TSPEAR: variants seen among roughly 807,000 people sequenced by gnomAD.
The protein encoded by TSPEAR is thrombospondin-type laminin G domain and EAR repeat-containing protein.
A neutral mutation model predicts 71.6 loss-of-function variants in TSPEAR; 69 were observed. The observed-to-expected ratio is 0.96, with a 90% CI of 0.79 to 1.18. TSPEAR has a LOEUF of 1.18. Among genes scored for constraint, TSPEAR ranks in the 50% most tolerant of loss-of-function variants. The pLI, the probability that TSPEAR is intolerant of heterozygous loss-of-function variation, is 0.00. For synonymous variants in TSPEAR, 402 were observed against 387.2 expected, an observed-to-expected ratio of 1.04 and a Z score of -0.45; for missense variants, 971 against 894.9, an observed-to-expected ratio of 1.09 and a Z score of -1.09.
chr21:44,584,289 G>A (rs769180107), intron 1 of TSPEAR, among the ~76,000 whole-genome samples: 36 of 152,228 alleles, frequency 2.4e-4, no homozygotes, highest in South Asian at 1.2e-3. Context: ...TGGCTGAATC[G>A]TATTCCATCG....
rs555904222 is a variant in TSPEAR, at chr21:44,702,722, G to C, written c.82+8711C>G. On this transcript the variant is annotated intron_variant, in intron 1 of 11. Transcript: ENST00000323084. Reference sequence around the variant, plus strand: ...CCCAGCTGCTGCCACCCAGCCTCCTGCGTGTCCCTCCTCTGCCGCCGTGTG... The same window carrying C: ...CCCAGCTGCTGCCACCCAGCCTCCTCCGTGTCCCTCCTCTGCCGCCGTGTG... The C allele has an allele frequency of 1.1e-4, 167 of 1,463,808 alleles. 1 individual carries two copies. The African/African-American group carries it at 2.2e-3, about 19-fold the overall frequency. 90.7% of individuals were successfully genotyped at this position (1,463,808 alleles called of 1,614,324 possible).
intron 1 of TSPEAR, among the ~76,000 whole-genome samples, chr21:44,686,941 G>A (rs562202365): frequency 1.3e-5 from 2 of 152,340 alleles, no homozygotes; most frequent in South Asian, 4.1e-4. Context: ...ACTGCTCAGA[G>A]GTGGAGCTTG....
intron 1 of TSPEAR, among the ~76,000 whole-genome samples, chr21:44,653,045 A>T (rs1324567300): frequency 6.6e-6 from 1 of 152,036 alleles, no homozygotes; most frequent in African/African-American, 2.4e-5. Context: ...GTAGTCCCAG[A>T]TACTCGGGAG....
intron 1 of TSPEAR, among the ~76,000 whole-genome samples, chr21:44,617,568 T>G (rs142671637): frequency 2.1e-4 from 32 of 152,360 alleles, no homozygotes; most frequent in Non-Finnish European, 4.3e-4. Context: ...GAAATACAAC[T>G]GCAGGCAAGG....
At chr21:44,629,944 T>A (rs1229913954) in intron 1 of TSPEAR, among the ~76,000 whole-genome samples, 2 of 151,576 alleles carry the variant, frequency 1.3e-5, no homozygotes, top group African/African-American at 4.8e-5. Flanking sequence ...CACACAGGGA[T>A]GGGTGCAGGG....
intron 1 of TSPEAR, among the ~76,000 whole-genome samples, chr21:44,571,696 C>T (rs587719520): frequency 6.4e-4 from 97 of 152,272 alleles, no homozygotes; most frequent in African/African-American, 2.1e-3. Context: ...AGGGCCAAAA[C>T]GAAAGGACTT....
intron 1 of TSPEAR, among the ~76,000 whole-genome samples, chr21:44,617,629 T>A (rs1555932808): frequency 1.3e-5 from 2 of 152,202 alleles, no homozygotes; most frequent in African/African-American, 4.8e-5. Context: ...AGGCCCTGAG[T>A]CTTTACTTCT....
Position 44,627,706 on chromosome 21 carries a change from C to T in TSPEAR, c.83-59701G>A, listed in dbSNP as rs782337882. On this transcript the variant is annotated intron_variant, in intron 1 of 11. Coordinates refer to ENST00000323084, the MANE Select transcript of TSPEAR (RefSeq NM_144991.3). Reference sequence around the variant, plus strand: ...AGCTTGCTGCACTTCCTCCCCCTGCCAGCAGTCCTACTGTGTGCCTGTCTG... The same window carrying T: ...AGCTTGCTGCACTTCCTCCCCCTGCTAGCAGTCCTACTGTGTGCCTGTCTG... 6 of 1,598,472 alleles carry T rather than the reference C, an allele frequency of 3.8e-6. No homozygotes were observed. The East Asian group carries it at 1.3e-4, about 36-fold the overall frequency.
intron 1 of TSPEAR, among the ~76,000 whole-genome samples, chr21:44,650,727 C>A (rs1483369514): frequency 6.7e-6 from 1 of 150,110 alleles, no homozygotes; most frequent in African/African-American, 2.5e-5. Context: ...ACACGCCCTC[C>A]AGCTCCAGCC....
At chr21:44,625,007 C>T (rs983294469) in intron 1 of TSPEAR, among the ~76,000 whole-genome samples, 1 of 152,190 alleles carries the variant, frequency 6.6e-6, no homozygotes, top group African/African-American at 2.4e-5. Context: ...ATTCCCCACA[C>T]ACAAAAGCAG....
At chr21:44,703,676 G>C (rs1222266934) in intron 1 of TSPEAR, among the ~76,000 whole-genome samples, 6 of 152,200 alleles carry the variant, frequency 3.9e-5, no homozygotes, top group African/African-American at 1.4e-4. Context: ...AGGTCTAGCC[G>C]GGCGTGGCAG....
intron 1 of TSPEAR, chr21:44,646,493 C>A (rs377695090): frequency 1.7e-5 from 27 of 1,613,044 alleles, no homozygotes; most frequent in Non-Finnish European, 2.2e-5. Flanking sequence ...TGCTCCAGCG[C>A]TTACTCCGAC....
rs187876486 is a variant in TSPEAR, at chr21:44,597,472, G to A, written c.83-29467C>T. ...TTTTTGATGGAGTCTCACTCTTGTC[G>A]CCCAGGCTGGAGGGCAGTGGTGCGA... is the stretch of plus-strand genomic sequence containing the variant. On this transcript the variant is annotated intron_variant, in intron 1 of 11. Coordinates refer to ENST00000323084, the MANE Select transcript of TSPEAR (RefSeq NM_144991.3). 1.8e-3 allele frequency among the ~76,000 whole-genome samples: 258 copies of A among 140,582 alleles called. 1 individual carries two copies. The highest frequency in any genetic ancestry group is 6.2e-3 in the African/African-American group (224 of 36,096). The allele number at this position is 140,582 out of a possible 152,430, so 92.2% of individuals were successfully genotyped here.
At chr21:44,584,662 C>T (rs1979226390) in intron 1 of TSPEAR, among the ~76,000 whole-genome samples, 1 of 152,196 alleles carries the variant, frequency 6.6e-6, no homozygotes, top group South Asian at 2.1e-4. Flanking sequence ...CAGGGTCTCA[C>T]CAGTCTTATA....
At chr21:44,697,556 T>G (rs782130164) in intron 1 of TSPEAR, 1 of 1,613,870 alleles carries the variant, frequency 6.2e-7, no homozygotes, top group Non-Finnish European at 8.5e-7. Flanking sequence ...CAAGCCTGTG[T>G]GCTGTATGCC....
At position 44,520,616 on chromosome 21, in the gene TSPEAR, C is replaced by T. The variant is rs2145958283; in HGVS notation, c.1566+1267G>A. 6.6e-6 allele frequency: 1 copy of T among 152,360 alleles called. No individual in the cohort carries two copies. The highest frequency in any genetic ancestry group is 2.1e-4 in the South Asian group (1 of 4,824). The allele number at this position is 152,360 out of a possible 1,614,324, so 9.4% of individuals were successfully genotyped here. A position where few individuals can be genotyped will look rare whatever the true frequency, so the allele number is the denominator to read the frequency against. On this transcript the variant is annotated intron_variant, in intron 9 of 11. Coordinates refer to ENST00000323084, the MANE Select transcript of TSPEAR (RefSeq NM_144991.3). The surrounding 1 kb of genome is among the most constrained non-coding windows in gnomAD (Gnocchi z 4.2). ...CCCTGCGGGCTTCTCAAGGTGGTCA[C>T]ACTCCCGGTTTCCTAAGCTGCTCTT...
At chr21:44,625,478 T>C (rs1982710739) in intron 1 of TSPEAR, among the ~76,000 whole-genome samples, 1 of 152,202 alleles carries the variant, frequency 6.6e-6, no homozygotes. Flanking sequence ...GGGACTTGAA[T>C]TATCTATGAT....
chr21:44,668,986 C>T (rs916331955), intron 1 of TSPEAR, among the ~76,000 whole-genome samples: 1 of 152,066 alleles, frequency 6.6e-6, no homozygotes, highest in African/African-American at 2.4e-5. Context: ...TTAAAATCCA[C>T]ATGATAGACG....
At chr21:44,513,365 C>T (rs1456613804) in intron 9 of TSPEAR, among the ~76,000 whole-genome samples, 2 of 142,818 alleles carry the variant, frequency 1.4e-5, no homozygotes, top group East Asian at 3.9e-4. Context: ...CAGTGTGGGA[C>T]CCCCCTGTCA....
Sources: gnomAD v4.1 joint callset for allele counts (sites outside exome capture counted in the v4.1 genomes callset) on GRCh38, gnomAD v4.1.1 for gene constraint, Gnocchi (gnomAD v3.1) non-coding constraint, MANE v1.5 for transcripts, NCBI Gene and HGNC (gene_info 2026-07-23, HGNC 2026-07-21) for gene names.